The following CAMK2B variants were observed in gnomAD, a reference collection of about 807,000 sequenced individuals.
CAMK2B encodes calcium/calmodulin-dependent protein kinase type II subunit beta.
Under a neutral mutation model 93.7 loss-of-function variants are expected in CAMK2B, and 27 were observed. The observed-to-expected ratio is 0.29, with a 90% CI of 0.21 to 0.40. The LOEUF is 0.40. Ranked by LOEUF, CAMK2B falls within the 10% of genes least tolerant of loss-of-function variation. The pLI is 1.00. For missense variants in CAMK2B, 568 were observed against 895.8 expected, an observed-to-expected ratio of 0.63 and a Z score of 4.67; for synonymous variants, 374 against 358.8, an observed-to-expected ratio of 1.04 and a Z score of -0.48.
intron 19 of CAMK2B, among the ~76,000 whole-genome samples, chr7:44,227,571 G>A (rs1274956876): frequency 2.2e-4 from 1 of 4,624 alleles, no homozygotes; most frequent in East Asian, 4.9e-3. Flanking sequence ...GAGGGTCTGG[G>A]GGGCAGAGGG....
intron 1 of CAMK2B, among the ~76,000 whole-genome samples, chr7:44,308,517 C>G (rs1004145681): frequency 2.6e-5 from 4 of 152,126 alleles, no homozygotes; most frequent in Non-Finnish European, 4.4e-5. Flanking sequence ...TGGCCCTCCT[C>G]CTGTGCATCC....
intron 2 of CAMK2B, among the ~76,000 whole-genome samples, chr7:44,274,770 G>T (rs1390034084): frequency 2.0e-5 from 3 of 152,338 alleles, no homozygotes; most frequent in African/African-American, 7.2e-5. Flanking sequence ...CAGGGGAGGG[G>T]GCTGTGCCCA....
chr7:44,312,899 G>A lies in CAMK2B; in HGVS notation c.65+12458C>T, dbSNP rs6966922. On this transcript the variant is annotated intron_variant, in intron 1 of 23. Coordinates refer to ENST00000395749, the MANE Select transcript of CAMK2B (RefSeq NM_001220.5). The surrounding 1 kb of genome is among the most constrained non-coding windows in gnomAD (Gnocchi z 4.1). ...TTTTTGACTGGGAGGGGTGTTCTCCGTCAGTCCCTGGGGCTGTTATGATGA... is the reference window on the plus strand; with the variant it reads ...TTTTTGACTGGGAGGGGTGTTCTCCATCAGTCCCTGGGGCTGTTATGATGA... Among the ~76,000 whole-genome samples the A allele has an allele frequency of 0.12, 17,612 of 152,114 alleles. 1,314 individuals carry two copies. The highest frequency in any genetic ancestry group is 0.16 in the Non-Finnish European group (10,785 of 67,946).
At chr7:44,324,400 C>A (rs1054164594) in intron 1 of CAMK2B, among the ~76,000 whole-genome samples, 1 of 108,460 alleles carries the variant, frequency 9.2e-6, no homozygotes, top group Non-Finnish European at 2.0e-5. Flanking sequence ...GGTGCAGCCA[C>A]CTTGATTCTC....
chr7:44,283,492 C>T (rs1229171024), intron 2 of CAMK2B, among the ~76,000 whole-genome samples: 1 of 152,234 alleles, frequency 6.6e-6, no homozygotes, highest in African/African-American at 2.4e-5. Flanking sequence ...CCACTCAAGG[C>T]CCTTCCTCGC....
intron 1 of CAMK2B, among the ~76,000 whole-genome samples, chr7:44,316,013 A>G (rs1157210410): frequency 6.6e-6 from 1 of 152,186 alleles, no homozygotes; most frequent in Non-Finnish European, 1.5e-5. Context: ...AGAGGTAGCT[A>G]TAACTATTTA....
intron 15 of CAMK2B, among the ~76,000 whole-genome samples, chr7:44,233,488 C>T (rs1482580090): frequency 1.3e-5 from 2 of 152,266 alleles, no homozygotes; most frequent in African/African-American, 4.8e-5. Context: ...TTCCCGTGGG[C>T]GGTCTGGGGC....
At chr7:44,279,251 T>C (rs1488509126) in intron 2 of CAMK2B, among the ~76,000 whole-genome samples, 1 of 152,214 alleles carries the variant, frequency 6.6e-6, no homozygotes, top group African/African-American at 2.4e-5. Context: ...GGCTAAGAAT[T>C]GATAACTGTT....
chr7:44,242,129 G>T, intron 10 of CAMK2B, 89 bp downstream of exon 10: 2 of 1,470,254 alleles, frequency 1.4e-6, no homozygotes, highest in East Asian at 2.3e-5. Context: ...TCAGGAACAG[G>T]ACCCTCTTGG....
At chr7:44,280,197 C>T (rs566259316) in intron 2 of CAMK2B, among the ~76,000 whole-genome samples, 39 of 152,320 alleles carry the variant, frequency 2.6e-4, no homozygotes, top group African/African-American at 8.4e-4. Context: ...CCCCATGGTC[C>T]CTGGCCGAGG....
At chr7:44,245,462 G>T (rs1162094444) in intron 6 of CAMK2B, among the ~76,000 whole-genome samples, 1 of 152,206 alleles carries the variant, frequency 6.6e-6, no homozygotes, top group Non-Finnish European at 1.5e-5. Flanking sequence ...AAATTGGGGA[G>T]GAGGTACCAC....
rs187378037 is a variant in CAMK2B at position 44,247,563 on chromosome 7, G to A, written c.342-371C>T. On this transcript the variant is annotated intron_variant, in intron 5 of 23. Transcript: ENST00000395749. Reference sequence around the variant, plus strand: ...TCTGTACCCTGTAAGGCAGGCTGAGGTGAGCAGGCCGGGCGAGCGGGCTAG... The same window carrying A: ...TCTGTACCCTGTAAGGCAGGCTGAGATGAGCAGGCCGGGCGAGCGGGCTAG... Among the ~76,000 whole-genome samples the A allele has an allele frequency of 4.0e-4, 61 of 152,274 alleles. No homozygotes were observed. The East Asian group carries it at 9.9e-3, about 25-fold the overall frequency.
intron 1 of CAMK2B, among the ~76,000 whole-genome samples, chr7:44,285,972 T>A (rs117108555): frequency 0.027 from 4,102 of 152,118 alleles, 64 homozygotes; most frequent in Middle Eastern, 0.065. Context: ...TACGTTCTCA[T>A]AATGTTTTTA....
At chr7:44,279,206 C>T (rs1299614924) in intron 2 of CAMK2B, among the ~76,000 whole-genome samples, 1 of 152,244 alleles carries the variant, frequency 6.6e-6, no homozygotes, top group African/African-American at 2.4e-5. Context: ...GAATGGTAAA[C>T]ATCCCAGGGT....
chr7:44,278,886 G>A (rs1182865516), intron 2 of CAMK2B, among the ~76,000 whole-genome samples: 1 of 152,236 alleles, frequency 6.6e-6, no homozygotes, highest in Non-Finnish European at 1.5e-5. Flanking sequence ...CCCTCATCAA[G>A]AGTTCTGAGG....
rs572511984 is a variant in CAMK2B, at chr7:44,311,657, C to A, written c.65+13700G>T. Reference sequence around the variant, plus strand: ...GGCTGTCCTGCCCCTGCGAGCACCACAGCCTGGCTCTGCGGTTCTGAGCTG... The same window carrying A: ...GGCTGTCCTGCCCCTGCGAGCACCAAAGCCTGGCTCTGCGGTTCTGAGCTG... On this transcript the variant is annotated intron_variant, in intron 1 of 23. Transcript: ENST00000395749. The surrounding 1 kb of genome is among the most constrained non-coding windows in gnomAD (Gnocchi z 4.2). 3.4e-4 allele frequency among the ~76,000 whole-genome samples: 52 copies of A among 152,304 alleles called. No individual in the cohort carries two copies. Among genetic ancestry groups the A allele is most frequent in the African/African-American group, 1.2e-3 (48 of 41,570 alleles).
At chr7:44,242,388 G>C in intron 9 of CAMK2B, 48 bp from the exon 10 acceptor site, 2 of 1,594,806 alleles carry the variant, frequency 1.3e-6, no homozygotes, top group Non-Finnish European at 1.7e-6. Flanking sequence ...TCCCTCTCAG[G>C]CAGGGGCAAG....
At chr7:44,284,029 G>A (rs781281523) in intron 2 of CAMK2B, 102 bp downstream of exon 2, 1 of 816,932 alleles carries the variant, frequency 1.2e-6, no homozygotes, top group Non-Finnish European at 2.0e-6. Flanking sequence ...CCAAGTGCTG[G>A]CCAAGACTGG....
At chr7:44,277,275 G>A (rs766340837) in intron 2 of CAMK2B, among the ~76,000 whole-genome samples, 10 of 152,166 alleles carry the variant, frequency 6.6e-5, no homozygotes, top group Non-Finnish European at 1.5e-4. Context: ...AACTGCTTTT[G>A]TTAACAGTAG....
Sources: allele counts gnomAD v4.1 joint callset (sites outside exome capture counted in the v4.1 genomes callset), GRCh38; gene constraint gnomAD v4.1.1; non-coding constraint Gnocchi (gnomAD v3.1); transcripts MANE v1.5; gene names NCBI Gene and HGNC (gene_info 2026-07-23, HGNC 2026-07-21).